MFSD8: variants seen among roughly 807,000 people sequenced by gnomAD.
MFSD8 encodes the protein major facilitator superfamily domain containing 8, also known as major facilitator superfamily domain-containing protein 8.
MFSD8 carries 55 observed loss-of-function variants against 66.4 expected under a neutral mutation model. The ratio of observed to expected loss-of-function variants is 0.83; its 90% CI spans 0.67 to 1.04. MFSD8 has a LOEUF of 1.04. Among genes scored for constraint, MFSD8 ranks in the 50% least tolerant of loss-of-function variants. MFSD8 has a pLI of 0.00. For synonymous variants in MFSD8, 202 were observed against 212.8 expected (o/e 0.95, Z 0.44); for missense variants, 550 against 627.6 (o/e 0.88, Z 1.32).
Position 127,939,870 on chromosome 4 carries a change from C to A in MFSD8, c.681G>T (p.Leu227=), listed in dbSNP as rs754149229. The A allele has an allele frequency of 4.3e-6, 7 of 1,612,782 alleles. No homozygotes were observed. In the Admixed American group the frequency reaches 1.2e-4, roughly 27 times the overall value. The change falls in exon 6 of 12, where the codon CTG becomes CTT. Residue 227 remains leucine, a synonymous_variant. Transcript: ENST00000641686. ...CTAATTACCTTAGTATGGCAAGGAT[C>A]AGAATAATATTTAAAATTCCCAGGA... ...SAFLGILNII[L]ILAILREHRV...
chr4:127,956,348 TA>T (rs1742859402), intron 2 of MFSD8, among the ~76,000 whole-genome samples: 1 of 147,720 alleles, frequency 6.8e-6, no homozygotes, highest in South Asian at 2.2e-4. Flanking sequence ...ACTAAAAATA[TA>T]AAACAATTAG....
At chr4:127,928,276 AGTAGAAAAAT>A (rs1222262401) in intron 9 of MFSD8, among the ~76,000 whole-genome samples, 1 of 152,030 alleles carries the variant, frequency 6.6e-6, no homozygotes, top group Non-Finnish European at 1.5e-5. Flanking sequence ...CTGTATTTTT[AGTAGAAAAAT>A]TTTTGTATTT....
intron 2 of MFSD8, among the ~76,000 whole-genome samples, chr4:127,952,869 CAA>C (rs758640018): frequency 6.9e-4 from 45 of 65,262 alleles, no homozygotes; most frequent in African/African-American, 1.4e-3. Context: ...GACTCCACCT[CAA>C]AAAAAAAAAA....
chr4:127,929,340 A>AAAAAAAAAAAAAAAG (rs1737744753), intron 9 of MFSD8, among the ~76,000 whole-genome samples: 1 of 145,348 alleles, frequency 6.9e-6, no homozygotes, highest in African/African-American at 2.6e-5. Flanking sequence ...AAAAAAAAAA[A>AAAAAAAAAAAAAAAG]AAAAAAAAAG....
upstream of MFSD8, chr4:127,965,306 A>G: frequency 1.3e-6 from 1 of 762,604 alleles, no homozygotes; most frequent in Non-Finnish European, 2.2e-6. Context: ...AAGGCCGGGC[A>G]GCGCAGGGCG....
intron 2 of MFSD8, among the ~76,000 whole-genome samples, chr4:127,955,539 CAAAAAAAAAA>C (rs34570244): frequency 9.7e-6 from 1 of 102,620 alleles, no homozygotes; most frequent in Non-Finnish European, 2.0e-5. Context: ...GACTTTGTCT[CAAAAAAAAAA>C]AAAAAAAAAA....
At chr4:127,936,943 C>T (rs1285200755) in intron 7 of MFSD8, among the ~76,000 whole-genome samples, 1 of 152,206 alleles carries the variant, frequency 6.6e-6, no homozygotes, top group Non-Finnish European at 1.5e-5. Flanking sequence ...CTCTTAACTT[C>T]CTCCGTCACT....
At chr4:127,952,707 T>C (rs1438640201) in intron 2 of MFSD8, among the ~76,000 whole-genome samples, 1 of 151,786 alleles carries the variant, frequency 6.6e-6, no homozygotes, top group Admixed American at 6.6e-5. Context: ...CCGTCTCTAC[T>C]AAAAATACAA....
chr4:127,938,668 C>A, intron 7 of MFSD8, 115 bp downstream of exon 7: 1 of 524,472 alleles, frequency 1.9e-6, no homozygotes, highest in South Asian at 3.8e-5. Flanking sequence ...AGATCTTCCC[C>A]AATCACCCAC....
rs112898211 is a variant in MFSD8 at position 127,933,491 on chromosome 4, G to A, written c.755-398C>T. 5.0e-3 allele frequency: 849 copies of A among 168,126 alleles called. 12 individuals are homozygous for A. The highest frequency in any genetic ancestry group is 0.019 in the African/African-American group (799 of 41,804). The allele number at this position is 168,126 out of a possible 1,614,324, so 10.4% of individuals were successfully genotyped here. On this transcript the variant is annotated intron_variant, in intron 7 of 11. Coordinates refer to ENST00000641686, the MANE Select transcript of MFSD8 (RefSeq NM_001371596.2). ...ACTCCTGAGCTCAACCAGTCCGCCC[G>A]CCTTGGCCTCCCAAAGTGTTGGGAT...
At chr4:127,962,375 G>A (rs1560782990) in intron 1 of MFSD8, among the ~76,000 whole-genome samples, 2 of 152,126 alleles carry the variant, frequency 1.3e-5, no homozygotes, top group Non-Finnish European at 2.9e-5. Context: ...AGCTGAGGCA[G>A]GAGAATCGCT....
chr4:127,953,543 GTTTTTTTTTTT>G (rs952826538), intron 2 of MFSD8, among the ~76,000 whole-genome samples: 10 of 67,046 alleles, frequency 1.5e-4, no homozygotes, highest in Non-Finnish European at 2.3e-4. Flanking sequence ...AAGGCATTCT[GTTTTTTTTTTT>G]TTTTTTTTTT....
In MFSD8 at chr4:127,929,453, T is replaced by C. The variant is rs1451645003; in HGVS notation, c.998+1230A>G. Among the ~76,000 whole-genome samples the C allele has an allele frequency of 2.7e-5, 4 of 150,324 alleles. No individual in the cohort carries two copies. The East Asian group carries it at 7.8e-4, about 29-fold the overall frequency. The stretch of plus-strand genomic sequence containing the variant: ...AAAAAAAAAAATTAGCCAGGCATTA[T>C]GGCACATGCCTGTAGTCCTAACTAC... On this transcript the variant is annotated intron_variant, in intron 9 of 11. Coordinates refer to ENST00000641686, the MANE Select transcript of MFSD8 (RefSeq NM_001371596.2).
chr4:127,965,386 G>A (rs1744935789), upstream of MFSD8: 3 of 590,692 alleles, frequency 5.1e-6, no homozygotes, highest in African/African-American at 3.7e-5. Flanking sequence ...TGAGAGCCCA[G>A]GAGAGCTCGG....
intron 7 of MFSD8, among the ~76,000 whole-genome samples, 194 bp downstream of exon 7, chr4:127,938,589 A>G (rs564634654): frequency 7.3e-6 from 1 of 137,312 alleles, no homozygotes; most frequent in East Asian, 2.1e-4. Flanking sequence ...TCTCAAAAAA[A>G]AAAAAATAAA....
At chr4:127,940,049 TA>T (rs1739884995) in intron 5 of MFSD8, 52 bp from the exon 6 acceptor site, 7 of 1,508,282 alleles carry the variant, frequency 4.6e-6, no homozygotes, top group African/African-American at 2.8e-5. Context: ...AAGCATAGGA[TA>T]AAAAAATGAA....
At chr4:127,964,696 GTGGGCT>G in intron 1 of MFSD8, 1 of 358,668 alleles carries the variant, frequency 2.8e-6, no homozygotes, top group South Asian at 2.4e-5. Context: ...CAGTGCAGCG[GTGGGCT>G]GAAGGGCTCC....
At chr4:127,934,534 T>C (rs140467911) in intron 7 of MFSD8, 2 of 151,966 alleles carry the variant, frequency 1.3e-5, no homozygotes, top group African/African-American at 2.4e-5. Flanking sequence ...CAGAATAAAA[T>C]AGTATTTTTA....
At chr4:127,935,346 C>T (rs978510655) in intron 7 of MFSD8, among the ~76,000 whole-genome samples, 6 of 152,148 alleles carry the variant, frequency 3.9e-5, no homozygotes, top group African/African-American at 1.4e-4. Flanking sequence ...CCTATAGCTT[C>T]TACTCAGTGT....
Sources: allele counts gnomAD v4.1 joint callset (sites outside exome capture counted in the v4.1 genomes callset), GRCh38; gene constraint gnomAD v4.1.1; transcripts MANE v1.5; gene names NCBI Gene and HGNC (gene_info 2026-07-23, HGNC 2026-07-21).